The following UNC80 variants were observed in gnomAD, a reference collection of about 807,000 sequenced individuals.
UNC80 encodes the protein protein unc-80 homolog.
A neutral mutation model predicts 384.6 loss-of-function variants in UNC80; 164 were observed. That is an observed-to-expected ratio of 0.43 (90% CI 0.38 to 0.49). The LOEUF (loss-of-function observed/expected upper bound fraction) is 0.49, where lower values mean the gene tolerates loss of function less well. UNC80 is among the 20% of genes least tolerant of loss of function. The probability of loss-of-function intolerance (pLI) is 0.00; values close to 1 mark genes in which losing one functional copy is unlikely to be tolerated. For missense variants in UNC80, 3,330 were observed against 4,143.0 expected, an observed-to-expected ratio of 0.80 and a Z score of 5.39; for synonymous variants, 1,486 against 1,527.8, an observed-to-expected ratio of 0.97 and a Z score of 0.64.
intron 43 of UNC80, among the ~76,000 whole-genome samples, chr2:209,940,008 G>A (rs751352857): frequency 6.6e-5 from 10 of 152,084 alleles, no homozygotes; most frequent in East Asian, 1.9e-4. Flanking sequence ...TTTCAGGATG[G>A]GGCTCAAGAG....
chr2:209,773,257 T>C, intron 2 of UNC80, 115 bp downstream of exon 2: 1 of 883,896 alleles, frequency 1.1e-6, no homozygotes, highest in South Asian at 1.6e-5. Flanking sequence ...GCAAATATTA[T>C]TGATCACCCA....
At chr2:209,939,391 GT>G in intron 42 of UNC80, 80 bp from the exon 43 acceptor site, 3 of 1,371,214 alleles carry the variant, frequency 2.2e-6, no homozygotes, top group South Asian at 3.7e-5. Context: ...GCCATTAAAG[GT>G]TTTCCTTTAG....
chr2:209,959,606 G>A lies in UNC80; in HGVS notation c.7704G>A (p.Glu2568=), dbSNP rs1052686296. The change falls in exon 51 of 65, where the codon GAG becomes GAA. Residue 2568 remains glutamate (E), a synonymous_variant. Transcript: ENST00000673920. ...AGTCCTTACTGAATATTTGCACTGA[G>A]TTCTATAAGCACTGTGGGCCACGGC... ...PRESLLNICT[E]FYKHCGPRLK... The A allele has an allele frequency of 2.4e-5, 37 of 1,551,604 alleles. No individual in the cohort carries two copies. The highest frequency in any genetic ancestry group is 5.9e-5 in the Admixed American group (3 of 50,980).
At chr2:209,788,330 T>C (rs2077577839) in intron 5 of UNC80, among the ~76,000 whole-genome samples, 1 of 151,142 alleles carries the variant, frequency 6.6e-6, no homozygotes, top group Admixed American at 6.6e-5. Flanking sequence ...GGCAAGAGAA[T>C]CGCTTGAACC....
At chr2:209,918,051 A>G in intron 32 of UNC80, 93 bp downstream of exon 32, 1 of 1,207,800 alleles carries the variant, frequency 8.3e-7, no homozygotes, top group South Asian at 1.5e-5. Context: ...TATGTGGCCA[A>G]AGATATTCTT....
chr2:209,918,428 T>C, intron 32 of UNC80, 104 bp from the exon 33 acceptor site: 1 of 1,313,588 alleles, frequency 7.6e-7, no homozygotes. Flanking sequence ...GTGAAGTCAC[T>C]TGGATGATTA....
chr2:209,836,892 C>T (rs190446098), intron 18 of UNC80, among the ~76,000 whole-genome samples: 4 of 152,182 alleles, frequency 2.6e-5, no homozygotes, highest in African/African-American at 2.4e-5. Flanking sequence ...TGGACAAAGC[C>T]GATGTAACAT....
At chr2:209,794,595 C>T (rs2078035421) in intron 7 of UNC80, among the ~76,000 whole-genome samples, 1 of 152,138 alleles carries the variant, frequency 6.6e-6, no homozygotes, top group Non-Finnish European at 1.5e-5. Flanking sequence ...GGCTGTGCCC[C>T]ACTAAATCTC....
At chr2:209,861,769 T>A (rs2083359385) in intron 22 of UNC80, among the ~76,000 whole-genome samples, 1 of 152,194 alleles carries the variant, frequency 6.6e-6, no homozygotes, top group Non-Finnish European at 1.5e-5. Context: ...TGGGAGGGCA[T>A]ATGCGTCCAG....
chr2:209,837,015 C>T (rs1574662775), intron 18 of UNC80, among the ~76,000 whole-genome samples: 1 of 152,010 alleles, frequency 6.6e-6, no homozygotes, highest in South Asian at 2.1e-4. Context: ...TGCTTCATAC[C>T]CTGTAATCAT....
At chr2:209,951,610 T>C (rs1368565371) in intron 47 of UNC80, 1 of 152,300 alleles carries the variant, frequency 6.6e-6, no homozygotes, top group East Asian at 1.9e-4. Context: ...ATGTGTCTTT[T>C]TCTCTGGCTA....
At position 209,969,770 on chromosome 2, in the gene UNC80, G is replaced by C. The variant is rs1316184195; in HGVS notation, c.8009G>C (p.Arg2670Pro). The change falls in exon 53 of 65, where the codon CGA becomes CCA. Residue 2670 changes from arginine (R) to proline (P), a missense_variant and splice_region_variant. Arg to Pro is a moderately radical substitution (Grantham distance 103). Transcript: ENST00000673920. ...ATGGCGCCTATATTGTATTCCAGGC[G>C]ACAGGTTGAGTGGGAGCCTGCCAGC... ...NKIHKMPTLR[R>P]QVEWEPASNL... is the part of the protein sequence containing the mutation. 6.4e-7 allele frequency: 1 copy of C among 1,551,478 alleles called. No individual in the cohort carries two copies. Among genetic ancestry groups the C allele is most frequent in the Non-Finnish European group, 8.7e-7 (1 of 1,146,970 alleles).
intron 3 of UNC80, among the ~76,000 whole-genome samples, chr2:209,776,729 G>A (rs188747160): frequency 8.5e-4 from 130 of 152,344 alleles, no homozygotes; most frequent in African/African-American, 3.0e-3. Context: ...GGGCATATTT[G>A]CCTCAGACAT....
intron 25 of UNC80, among the ~76,000 whole-genome samples, chr2:209,885,527 A>G (rs1376577898): frequency 2.0e-5 from 3 of 152,186 alleles, no homozygotes; most frequent in Admixed American, 1.3e-4. Context: ...AATTTCCCTC[A>G]TTAGATTTGG....
chr2:209,995,302 A>G (rs2093465829), intron 64 of UNC80, 27 bp from the exon 65 acceptor site: 3 of 1,549,874 alleles, frequency 1.9e-6, no homozygotes, highest in South Asian at 2.4e-5. Context: ...CTATCTTTCC[A>G]TAATGTTATG....
intron 3 of UNC80, 144 bp downstream of exon 3, chr2:209,776,189 C>A: frequency 2.0e-6 from 2 of 1,016,522 alleles, no homozygotes; most frequent in Non-Finnish European, 2.7e-6. Context: ...ATCCTCCTCA[C>A]ACTTATACTC....
At chr2:209,918,767 C>A in intron 33 of UNC80, 104 bp downstream of exon 33, 3 of 1,272,140 alleles carry the variant, frequency 2.4e-6, no homozygotes, top group Non-Finnish European at 3.1e-6. Flanking sequence ...AATAATAACA[C>A]AGAAAGTCAG....
intron 18 of UNC80, among the ~76,000 whole-genome samples, 197 bp downstream of exon 18, chr2:209,835,207 C>A (rs745523326): frequency 3.3e-5 from 5 of 152,154 alleles, no homozygotes; most frequent in Non-Finnish European, 7.3e-5. Context: ...CTATGAGAAG[C>A]CTCCCTAACT....
At chr2:209,917,114 T>C (rs571980098) in intron 31 of UNC80, among the ~76,000 whole-genome samples, 2 of 152,346 alleles carry the variant, frequency 1.3e-5, no homozygotes, top group South Asian at 4.1e-4. Context: ...ACATGAGAGA[T>C]TCATGACATA....
Sources: allele counts gnomAD v4.1 joint callset (sites outside exome capture counted in the v4.1 genomes callset), GRCh38; gene constraint gnomAD v4.1.1; transcripts MANE v1.5; gene names NCBI Gene and HGNC (gene_info 2026-07-23, HGNC 2026-07-21).